Variants in TMEM108 observed in about 807,000 individuals in gnomAD.
TMEM108 encodes transmembrane protein 108.
Under a neutral mutation model 35.1 loss-of-function variants are expected in TMEM108, and 12 were observed. The observed-to-expected ratio is 0.34, with a 90% CI of 0.22 to 0.55. The LOEUF (loss-of-function observed/expected upper bound fraction) is 0.55, where lower values mean the gene tolerates loss of function less well. TMEM108 is among the 20% of genes least tolerant of loss of function. TMEM108 has a pLI of 0.89. For missense variants in TMEM108, 680 were observed against 753.3 expected, an observed-to-expected ratio of 0.90 and a Z score of 1.14; for synonymous variants, 287 against 308.6, an observed-to-expected ratio of 0.93 and a Z score of 0.73.
intron 2 of TMEM108, among the ~76,000 whole-genome samples, chr3:133,226,245 G>A (rs1946069386): frequency 1.3e-5 from 2 of 152,156 alleles, no homozygotes; most frequent in South Asian, 2.1e-4. Flanking sequence ...GTAATAGATT[G>A]CAAATGTTTC....
At chr3:133,243,029 G>T (rs188375387) in intron 3 of TMEM108, among the ~76,000 whole-genome samples, 1 of 152,346 alleles carries the variant, frequency 6.6e-6, no homozygotes, top group Admixed American at 6.5e-5. Flanking sequence ...ACCCAGGGAA[G>T]CAATATTGTG....
chr3:133,327,878 G>A (rs917306938), intron 3 of TMEM108, among the ~76,000 whole-genome samples: 1 of 152,148 alleles, frequency 6.6e-6, no homozygotes, highest in Non-Finnish European at 1.5e-5. Flanking sequence ...GCAGGCAGGA[G>A]GGAGGTAGCT....
intron 2 of TMEM108, among the ~76,000 whole-genome samples, chr3:133,097,074 G>A (rs1022602499): frequency 1.3e-5 from 2 of 152,212 alleles, no homozygotes; most frequent in African/African-American, 4.8e-5. Flanking sequence ...ATGTTGTTAA[G>A]TTCTGTAGAG....
chr3:133,361,867 A>G (rs1485308731), intron 3 of TMEM108, among the ~76,000 whole-genome samples: 2 of 152,218 alleles, frequency 1.3e-5, no homozygotes, highest in African/African-American at 2.4e-5. Context: ...AAATAGCAAC[A>G]TCACATTGTA....
chr3:133,178,111 G>A (rs1324964378), intron 2 of TMEM108, among the ~76,000 whole-genome samples: 2 of 152,174 alleles, frequency 1.3e-5, no homozygotes, highest in South Asian at 2.1e-4. Flanking sequence ...TCCAAGGGAT[G>A]TGAAGGACCT....
intron 2 of TMEM108, among the ~76,000 whole-genome samples, chr3:133,185,784 C>CTTTTTTTTTTTTTTTTTTTT (rs11309146): frequency 2.4e-5 from 3 of 127,092 alleles, no homozygotes; most frequent in East Asian, 2.7e-4. Flanking sequence ...CTTTTCTTTT[C>CTTTTTTTTTTTTTTTTTTTT]TTTTTTTTTT....
chr3:133,255,428 C>T (rs1946531900), intron 3 of TMEM108, among the ~76,000 whole-genome samples: 1 of 152,012 alleles, frequency 6.6e-6, no homozygotes. Context: ...GATTAAACAT[C>T]TTCTTTAAAA....
chr3:133,361,170 T>C (rs566940416), intron 3 of TMEM108, among the ~76,000 whole-genome samples: 2 of 152,334 alleles, frequency 1.3e-5, no homozygotes, highest in African/African-American at 4.8e-5. Flanking sequence ...TCTAGAGTCA[T>C]ATGTAATCTA....
intron 2 of TMEM108, among the ~76,000 whole-genome samples, chr3:133,172,305 A>C (rs1945141506): frequency 6.6e-6 from 1 of 152,180 alleles, no homozygotes; most frequent in Non-Finnish European, 1.5e-5. Flanking sequence ...GAAATTATTA[A>C]ATGTTTACTG....
chr3:133,241,376 T>G (rs1946310253), intron 3 of TMEM108, among the ~76,000 whole-genome samples: 1 of 152,228 alleles, frequency 6.6e-6, no homozygotes, highest in South Asian at 2.1e-4. Context: ...CCAAGCTTTC[T>G]CATCTCTTTG....
intron 3 of TMEM108, among the ~76,000 whole-genome samples, chr3:133,344,641 CT>C (rs2071761599): frequency 6.6e-6 from 1 of 151,666 alleles, no homozygotes; most frequent in African/African-American, 2.4e-5. Flanking sequence ...AACAATCACA[CT>C]TATGAATTAT....
chr3:133,323,504 C>T (rs780750051), intron 3 of TMEM108, among the ~76,000 whole-genome samples: 9 of 152,072 alleles, frequency 5.9e-5, no homozygotes, highest in Non-Finnish European at 5.9e-5. Flanking sequence ...AACTACAGAA[C>T]AGTACTGAAA....
chr3:133,375,390 G>A (rs1337756297), intron 3 of TMEM108, among the ~76,000 whole-genome samples: 2 of 152,164 alleles, frequency 1.3e-5, no homozygotes, highest in African/African-American at 2.4e-5. Flanking sequence ...TTTAAAAATC[G>A]GTTCCACATT....
At chr3:133,069,066 T>A (rs78569023) in intron 2 of TMEM108, among the ~76,000 whole-genome samples, 1 of 152,290 alleles carries the variant, frequency 6.6e-6, no homozygotes, top group East Asian at 1.9e-4. Flanking sequence ...CAGAGAAAGC[T>A]GTTGCCAGGT....
Position 133,128,109 on chromosome 3 carries a change from T to C in TMEM108, c.-47+82089T>C, listed in dbSNP as rs547550036. On this transcript the variant is annotated intron_variant, in intron 2 of 5. Transcript: ENST00000321871. Reference sequence around the variant, plus strand: ...TTGCCAGAAGTTTTGCCCCACACCTTGCTTGGGTCTGAAACTTGGTTGGTA... The same window carrying C: ...TTGCCAGAAGTTTTGCCCCACACCTCGCTTGGGTCTGAAACTTGGTTGGTA... 2.0e-5 allele frequency among the ~76,000 whole-genome samples: 3 copies of C among 152,320 alleles called. No homozygotes were observed. The South Asian group carries it at 6.2e-4, about 32-fold the overall frequency.
chr3:133,047,283 A>G (rs569843185), intron 2 of TMEM108, among the ~76,000 whole-genome samples: 2 of 152,170 alleles, frequency 1.3e-5, no homozygotes, highest in African/African-American at 4.8e-5. Context: ...AATTTCCTCT[A>G]TATCCTGTAT....
chr3:133,316,313 T>C (rs2071198332), intron 3 of TMEM108, among the ~76,000 whole-genome samples: 1 of 152,220 alleles, frequency 6.6e-6, no homozygotes, highest in African/African-American at 2.4e-5. Context: ...ATATCCTCCA[T>C]ATTATATGAA....
chr3:133,129,683 T>C (rs1046183482), intron 2 of TMEM108, among the ~76,000 whole-genome samples: 5 of 152,150 alleles, frequency 3.3e-5, no homozygotes, highest in Admixed American at 6.5e-5. Context: ...TTGTTGATTG[T>C]CTATTATATA....
chr3:133,366,695 G>A (rs1176534209), intron 3 of TMEM108, among the ~76,000 whole-genome samples: 1 of 152,212 alleles, frequency 6.6e-6, no homozygotes, highest in African/African-American at 2.4e-5. Flanking sequence ...TAGCCCAAAA[G>A]AGAATAATTA....
Sources: gnomAD v4.1 joint callset for allele counts (sites outside exome capture counted in the v4.1 genomes callset) on GRCh38, gnomAD v4.1.1 for gene constraint, MANE v1.5 for transcripts, NCBI Gene and HGNC (gene_info 2026-07-23, HGNC 2026-07-21) for gene names.